The following FGF12 variants were observed in gnomAD, a reference collection of about 807,000 sequenced individuals.
FGF12 encodes the protein fibroblast growth factor 12B.
FGF12 carries 14 observed loss-of-function variants against 23.6 expected under a neutral mutation model. That is an observed-to-expected ratio of 0.59 (90% confidence interval 0.39 to 0.93). The LOEUF (loss-of-function observed/expected upper bound fraction) is 0.93, where lower values mean the gene tolerates loss of function less well. Among genes scored for constraint, FGF12 ranks in the 40% least tolerant of loss-of-function variants. The pLI, the probability that FGF12 is intolerant of heterozygous loss-of-function variation, is 0.00. For missense variants in FGF12, 175 were observed against 217.8 expected, an observed-to-expected ratio of 0.80 and a Z score of 1.24; for synonymous variants, 62 against 77.3, an observed-to-expected ratio of 0.80 and a Z score of 1.04.
chr3:192,553,992 T>C (rs937146465), intron 2 of FGF12, among the ~76,000 whole-genome samples: 1 of 152,216 alleles, frequency 6.6e-6, no homozygotes, highest in Non-Finnish European at 1.5e-5. Flanking sequence ...CCTCAACTCC[T>C]GGCTTATCCC....
At chr3:192,611,936 A>G (rs1714563582) in intron 2 of FGF12, among the ~76,000 whole-genome samples, 1 of 151,994 alleles carries the variant, frequency 6.6e-6, no homozygotes, top group South Asian at 2.1e-4. Flanking sequence ...TGTTTTAGGG[A>G]ATCTCTCTGC....
At chr3:192,240,970 A>G (rs138472491) in intron 4 of FGF12, among the ~76,000 whole-genome samples, 48 of 152,334 alleles carry the variant, frequency 3.2e-4, no homozygotes, top group Admixed American at 9.8e-4. Context: ...CTGACCTTAG[A>G]TATCTACACA....
Position 192,226,090 on chromosome 3 carries a change from C to T in FGF12, c.229-55434G>A, listed in dbSNP as rs11921148. On this transcript the variant is annotated intron_variant, in intron 4 of 5. Transcript: ENST00000445105. ...CACACTGAAGTCTCCAATAGCTCCTCACCACCTGCAAAAAAACAAAACCCT... is the reference window on the plus strand; with the variant it reads ...CACACTGAAGTCTCCAATAGCTCCTTACCACCTGCAAAAAAACAAAACCCT... Among the ~76,000 whole-genome samples the T allele has an allele frequency of 1.9e-3, 286 of 152,226 alleles. 1 individual carries two copies. Among genetic ancestry groups the T allele is most frequent in the African/African-American group, 6.8e-3 (284 of 41,548 alleles).
At chr3:192,212,795 G>C (rs1042854327) in intron 4 of FGF12, among the ~76,000 whole-genome samples, 7 of 146,570 alleles carry the variant, frequency 4.8e-5, no homozygotes, top group African/African-American at 1.5e-4. Context: ...ATGGGGGGGG[G>C]GTTAAAAAAA....
At chr3:192,569,938 G>A (rs971883258) in intron 2 of FGF12, among the ~76,000 whole-genome samples, 2 of 152,144 alleles carry the variant, frequency 1.3e-5, no homozygotes, top group Non-Finnish European at 2.9e-5. Context: ...GGATACTAGC[G>A]CTGCTATGAC....
chr3:192,246,501 C>T (rs1036324255), intron 4 of FGF12, among the ~76,000 whole-genome samples: 2 of 152,018 alleles, frequency 1.3e-5, no homozygotes, highest in African/African-American at 4.8e-5. Flanking sequence ...GGACCTGGTT[C>T]TAATTGACAT....
chr3:192,646,051 C>T (rs537698059), intron 2 of FGF12, among the ~76,000 whole-genome samples: 11 of 152,182 alleles, frequency 7.2e-5, no homozygotes, highest in Non-Finnish European at 1.3e-4. Context: ...CAAGTGGGAA[C>T]AGCATATGTG....
At chr3:192,254,153 C>A (rs1712220237) in intron 4 of FGF12, among the ~76,000 whole-genome samples, 1 of 151,794 alleles carries the variant, frequency 6.6e-6, no homozygotes, top group Admixed American at 6.6e-5. Flanking sequence ...AATTTTGTAT[C>A]CTTTGACCAA....
chr3:192,433,187 G>T (rs555328283), intron 2 of FGF12, among the ~76,000 whole-genome samples: 4 of 152,258 alleles, frequency 2.6e-5, no homozygotes, highest in Admixed American at 1.3e-4. Flanking sequence ...TCATTGTGCT[G>T]AGAAAACAGA....
intron 2 of FGF12, among the ~76,000 whole-genome samples, chr3:192,621,931 T>A (rs543496704): frequency 2.6e-5 from 4 of 152,172 alleles, no homozygotes; most frequent in Non-Finnish European, 4.4e-5. Flanking sequence ...AGAAGTCAAA[T>A]AATGCCAGAT....
intron 4 of FGF12, among the ~76,000 whole-genome samples, chr3:192,173,758 T>G (rs1715705914): frequency 6.6e-6 from 1 of 152,162 alleles, no homozygotes; most frequent in African/African-American, 2.4e-5. Context: ...TATAAAGAAG[T>G]TAGGAAAAAA....
At chr3:192,640,826 T>C (rs908166011) in intron 2 of FGF12, among the ~76,000 whole-genome samples, 2 of 142,968 alleles carry the variant, frequency 1.4e-5, no homozygotes, top group African/African-American at 5.1e-5. Context: ...TTTGTTTGTT[T>C]GTGTGAGACA....
rs1247348583 is a variant in FGF12, at chr3:192,176,711, CCTT to C, written c.229-6058_229-6056del. On this transcript the variant is annotated intron_variant, in intron 4 of 5. Coordinates refer to ENST00000445105, the MANE Select transcript of FGF12 (RefSeq NM_004113.6). ...AAAATTACTTCCCAAAAATCTTTGTCCTTCTTTCAATATCAAGTTTTTCCTACA... is the reference window on the plus strand; with the variant it reads ...AAAATTACTTCCCAAAAATCTTTGTCCTTTCAATATCAAGTTTTTCCTACA... Among the ~76,000 whole-genome samples the C allele has an allele frequency of 4.6e-5, 7 of 152,266 alleles. No individual in the cohort carries two copies. In the East Asian group the frequency reaches 1.3e-3, roughly 29 times the overall value.
intron 2 of FGF12, among the ~76,000 whole-genome samples, chr3:192,687,653 C>A (rs2108715840): frequency 6.6e-6 from 1 of 152,234 alleles, no homozygotes; most frequent in South Asian, 2.1e-4. Flanking sequence ...TGCACCCAAC[C>A]CTGCCCCTGT....
At chr3:192,707,556 G>T (rs1718510514) in intron 2 of FGF12, among the ~76,000 whole-genome samples, 2 of 151,892 alleles carry the variant, frequency 1.3e-5, no homozygotes, top group Non-Finnish European at 2.9e-5. Flanking sequence ...GACCATCCTG[G>T]CCAACATGGT....
intron 2 of FGF12, among the ~76,000 whole-genome samples, chr3:192,709,656 T>A (rs1056954584): frequency 6.6e-6 from 1 of 152,218 alleles, no homozygotes; most frequent in African/African-American, 2.4e-5. Flanking sequence ...GACTCTATTA[T>A]GGTGCTGGGA....
chr3:192,429,869 AT>A lies in FGF12; in HGVS notation c.14-69332del, dbSNP rs531411236. Among the ~76,000 whole-genome samples, 490 of 152,234 alleles carry A rather than the reference AT, an allele frequency of 3.2e-3. 3 individuals carry two copies. Among genetic ancestry groups the A allele is most frequent in the African/African-American group, 0.011 (466 of 41,534 alleles). ...CAATAAGGTAAAAGGCCCTTAAGAT[AT>A]TTTTTTGCAACAAACAAATACACTT... On this transcript the variant is annotated intron_variant, in intron 2 of 5. Coordinates refer to ENST00000445105, the MANE Select transcript of FGF12 (RefSeq NM_004113.6).
chr3:192,724,473 C>T lies in FGF12; in HGVS notation c.13+2708G>A, dbSNP rs554850418. On this transcript the variant is annotated intron_variant, in intron 2 of 5. Coordinates refer to ENST00000445105, the MANE Select transcript of FGF12 (RefSeq NM_004113.6). ...TCAGGTGATTCTAGTGTGCAGCAAA[C>T]TTTGTGAACCACTCCTCTAAATACT... Among the ~76,000 whole-genome samples, 4 of 152,274 alleles carry T rather than the reference C, an allele frequency of 2.6e-5. No individual in the cohort carries two copies. The South Asian group carries it at 6.2e-4, about 24-fold the overall frequency.
At chr3:192,498,000 T>G (rs1050240125) in intron 2 of FGF12, among the ~76,000 whole-genome samples, 2 of 41,738 alleles carry the variant, frequency 4.8e-5, no homozygotes, top group Admixed American at 4.6e-4. Flanking sequence ...AAGGAATAAA[T>G]GAAAGAGCAA....
Sources: gnomAD v4.1 joint callset for allele counts (sites outside exome capture counted in the v4.1 genomes callset) on GRCh38, gnomAD v4.1.1 for gene constraint, MANE v1.5 for transcripts, NCBI Gene and HGNC (gene_info 2026-07-23, HGNC 2026-07-21) for gene names.